ARL17B: variants seen among roughly 807,000 people sequenced by gnomAD.
The protein encoded by ARL17B is ADP-ribosylation factor-like protein 17.
intron 3 of ARL17B, among the ~76,000 whole-genome samples, chr17:46,308,042 C>A (rs193041685): frequency 0.038 from 2,713 of 72,306 alleles, 776 homozygotes; most frequent in African/African-American, 0.084. Flanking sequence ...TAATAATAAT[C>A]ATCATCATCA....
At position 46,292,904 on chromosome 17, in the gene ARL17B, C is replaced by T. The variant is rs1356773065; in HGVS notation, c.*21+6622G>A. 62 of 68,824 alleles carry T rather than the reference C, an allele frequency of 9.0e-4. 22 individuals are homozygous for T. The Admixed American group carries it at 9.7e-3, about 11-fold the overall frequency. The allele number at this position is 68,824 out of a possible 1,614,324, so 4.3% of individuals were successfully genotyped here. A position where few individuals can be genotyped will look rare whatever the true frequency, so the allele number is the denominator to read the frequency against. On this transcript the variant is annotated intron_variant, in intron 4 of 4. Transcript: ENST00000570618. The stretch of plus-strand genomic sequence containing the variant: ...ACATATATGATGGTGGTTCTGTAAG[C>T]GTATAATGGAGCTATCCCTATATAG...
At chr17:46,348,588 ACTCT>A (rs1433644949) in intron 3 of ARL17B, among the ~76,000 whole-genome samples, 12 of 100,040 alleles carry the variant, frequency 1.2e-4, no homozygotes, top group Non-Finnish European at 2.3e-4. Flanking sequence ...AGATTACCTA[ACTCT>A]CTCAAGGTTT....
chr17:46,284,424 C>T (rs942608467), intron 4 of ARL17B, among the ~76,000 whole-genome samples: 6 of 152,246 alleles, frequency 3.9e-5, no homozygotes, highest in East Asian at 1.9e-4. Context: ...TGACACAGCA[C>T]ATGTCTCAGA....
chr17:46,317,178 G>A (rs2051198457), intron 3 of ARL17B, among the ~76,000 whole-genome samples: 2 of 86,034 alleles, frequency 2.3e-5, no homozygotes, highest in Non-Finnish European at 3.5e-5. Flanking sequence ...TCACATCCCA[G>A]ACGGGCATGC....
At chr17:46,283,316 G>A (rs1011917818) in intron 4 of ARL17B, among the ~76,000 whole-genome samples, 2 of 152,182 alleles carry the variant, frequency 1.3e-5, no homozygotes, top group South Asian at 2.1e-4. Flanking sequence ...GTACCCACAG[G>A]TTCCTTAATA....
At chr17:46,275,803 T>G (rs900007147) in intron 4 of ARL17B, among the ~76,000 whole-genome samples, 2 of 152,146 alleles carry the variant, frequency 1.3e-5, no homozygotes, top group African/African-American at 4.8e-5. Context: ...AAGGGAAAAA[T>G]TATGCTAAAA....
rs896284691 is a variant in ARL17B at position 46,289,052 on chromosome 17, T to C, written c.*21+10474A>G. 5.3e-5 allele frequency among the ~76,000 whole-genome samples: 8 copies of C among 152,328 alleles called. 1 individual carries two copies. In the Middle Eastern group the frequency reaches 0.01, roughly 194 times the overall value. ...TTGCCATACTTTTTAAGTGCATCTC[T>C]TCTGCTATCCTGTAGTACAACTTAC... On this transcript the variant is annotated intron_variant, in intron 4 of 4. Coordinates refer to the ARL17B transcript ENST00000570618.
At chr17:46,329,319 C>A (rs369048224) in intron 3 of ARL17B, among the ~76,000 whole-genome samples, 1 of 5,126 alleles carries the variant, frequency 2.0e-4, no homozygotes, top group African/African-American at 2.7e-4. Flanking sequence ...TTTTTTTTTA[C>A]CAATTATGTT....
intron 4 of ARL17B, among the ~76,000 whole-genome samples, chr17:46,281,555 G>C (rs1356944585): frequency 6.6e-6 from 1 of 152,130 alleles, no homozygotes; most frequent in African/African-American, 2.4e-5. Context: ...ATAGCCTCCT[G>C]AGTAGCTAGG....
chr17:46,285,900 T>C (rs2049894361), intron 4 of ARL17B, among the ~76,000 whole-genome samples: 1 of 152,280 alleles, frequency 6.6e-6, no homozygotes, highest in South Asian at 2.1e-4. Flanking sequence ...GGCTCTCATC[T>C]GTAAGGAACG....
chr17:46,289,785 A>G (rs113754977), intron 4 of ARL17B, among the ~76,000 whole-genome samples: 1 of 150,308 alleles, frequency 6.7e-6, no homozygotes, highest in Non-Finnish European at 1.5e-5. Context: ...AGAGTTTTTA[A>G]TTTTTTTAAT....
chr17:46,286,913 C>T (rs1290511120), intron 4 of ARL17B, among the ~76,000 whole-genome samples: 1 of 152,176 alleles, frequency 6.6e-6, no homozygotes, highest in African/African-American at 2.4e-5. Context: ...TCTGCGATGC[C>T]AACACATTCT....
chr17:46,282,478 G>A lies in ARL17B; in HGVS notation c.*22-7060C>T, dbSNP rs1269379894. Among the ~76,000 whole-genome samples, 7 of 149,878 alleles carry A rather than the reference G, an allele frequency of 4.7e-5. No homozygotes were observed. In the South Asian group the frequency reaches 6.3e-4, roughly 13 times the overall value. On this transcript the variant is annotated intron_variant, in intron 4 of 4. Transcript: ENST00000570618. ...CACCCAGGCTGGGGTGGAGTGGCTC[G>A]ATCATAGTTCACTGCAGCCTCAAAC...
At chr17:46,283,981 G>A (rs374825447) in intron 4 of ARL17B, among the ~76,000 whole-genome samples, 10,882 of 132,528 alleles carry the variant, frequency 0.082, 1 homozygote, top group Middle Eastern at 0.15. Context: ...GGCTGCCCGC[G>A]TGTCCCACCT....
At chr17:46,340,380 T>C (rs1411576999) in intron 3 of ARL17B, among the ~76,000 whole-genome samples, 33 of 52,252 alleles carry the variant, frequency 6.3e-4, no homozygotes, top group East Asian at 2.0e-3. Flanking sequence ...CATGCCCGGC[T>C]AATTTTTGTA....
chr17:46,280,395 C>T (rs2532324), intron 4 of ARL17B, among the ~76,000 whole-genome samples: 1 of 151,930 alleles, frequency 6.6e-6, no homozygotes, highest in East Asian at 1.9e-4. Flanking sequence ...AATTTCTAGC[C>T]CAGTGCAGTG....
intron 2 of ARL17B, among the ~76,000 whole-genome samples, chr17:46,357,368 AAC>A (rs2052941671): frequency 2.2e-5 from 2 of 91,808 alleles, no homozygotes; most frequent in African/African-American, 8.5e-5. Flanking sequence ...AAGCCCGTAA[AAC>A]ACAGTGCTGG....
intron 4 of ARL17B, among the ~76,000 whole-genome samples, chr17:46,290,958 A>G (rs1274545484): frequency 2.0e-5 from 3 of 152,234 alleles, no homozygotes; most frequent in Non-Finnish European, 2.9e-5. Flanking sequence ...CAATCATTAC[A>G]TGACTACCTC....
chr17:46,285,186 C>T (rs2089713), intron 4 of ARL17B, among the ~76,000 whole-genome samples: 21,621 of 151,086 alleles, frequency 0.14, 1,981 homozygotes, highest in Non-Finnish European at 0.22. Context: ...CTTCAATACA[C>T]CTGTATCACT....
Sources: gnomAD v4.1 joint callset for allele counts (sites outside exome capture counted in the v4.1 genomes callset) on GRCh38, gnomAD v4.1.1 for gene constraint, MANE v1.5 for transcripts, NCBI Gene and HGNC (gene_info 2026-07-23, HGNC 2026-07-21) for gene names.